CLTCL1: variants seen among roughly 807,000 people sequenced by gnomAD.
The protein encoded by CLTCL1 is clathrin heavy chain 2.
In CLTCL1, 159 loss-of-function variants were observed where a neutral mutation model predicts 190.0. The observed-to-expected ratio is 0.84, with a 90% CI of 0.74 to 0.95. CLTCL1 has a LOEUF of 0.95. Ranked by LOEUF, CLTCL1 falls within the 40% of genes least tolerant of loss-of-function variation. The pLI is 0.00. For missense variants in CLTCL1, 1,878 were observed against 2,033.4 expected, an observed-to-expected ratio of 0.92 and a Z score of 1.47; for synonymous variants, 752 against 769.6, an observed-to-expected ratio of 0.98 and a Z score of 0.38.
Position 19,196,660 on chromosome 22 carries a change from G to C in CLTCL1, c.3874-4C>G, listed in dbSNP as rs184612047. The C allele has an allele frequency of 2.5e-3, 4,097 of 1,611,326 alleles. 6 individuals are homozygous for C. The highest frequency in any genetic ancestry group is 3.1e-3 in the Non-Finnish European group (3,682 of 1,178,556). ...GCTCCTCAAAGTAGCCACGATCCTA[G>C]CAGACCAACAGCCACGCGTGGGGCA... On this transcript the variant is annotated splice_region_variant and splice_polypyrimidine_tract_variant and intron_variant, in intron 24 of 32. Coordinates refer to ENST00000427926, the MANE Select transcript of CLTCL1 (RefSeq NM_007098.4).
intron 22 of CLTCL1, 91 bp downstream of exon 22, chr22:19,208,063 G>A (rs992176702): frequency 6.6e-7 from 1 of 1,516,684 alleles, no homozygotes; most frequent in South Asian, 1.1e-5. Context: ...CCAGTCCCTG[G>A]TGCCAAAACA....
At chr22:19,191,749 T>C (rs782352811) in intron 26 of CLTCL1, among the ~76,000 whole-genome samples, 4 of 152,244 alleles carry the variant, frequency 2.6e-5, no homozygotes, top group Non-Finnish European at 5.9e-5. Context: ...TCAGTCAGAA[T>C]GAAGCCCCAC....
chr22:19,252,820 C>T (rs1255597406), intron 3 of CLTCL1, among the ~76,000 whole-genome samples: 3 of 152,172 alleles, frequency 2.0e-5, no homozygotes, highest in African/African-American at 7.2e-5. Context: ...CAAGGCCATC[C>T]TGGCTAACAC....
intron 5 of CLTCL1, among the ~76,000 whole-genome samples, chr22:19,237,764 G>A (rs782312808): frequency 3.9e-5 from 6 of 152,188 alleles, no homozygotes; most frequent in Non-Finnish European, 8.8e-5. Flanking sequence ...TTATACAGCA[G>A]CAAGGCTAGT....
At chr22:19,236,917 C>T (rs2086098840) in intron 5 of CLTCL1, among the ~76,000 whole-genome samples, 1 of 152,052 alleles carries the variant, frequency 6.6e-6, no homozygotes, top group African/African-American at 2.4e-5. Flanking sequence ...TTCTATCTTA[C>T]TCTTTAGATC....
intron 2 of CLTCL1, chr22:19,258,686 T>A: frequency 6.0e-6 from 4 of 668,440 alleles, no homozygotes; most frequent in Non-Finnish European, 1.1e-5. Context: ...AGGACTTCAA[T>A]CTTGGTGAGG....
At position 19,221,438 on chromosome 22, in the gene CLTCL1, C is replaced by T. The variant is rs1190343245; in HGVS notation, c.2735G>A (p.Arg912Gln). Residue 912 changes from arginine to glutamine, a missense_variant, in exon 17 of 33, where the codon CGA becomes CAA. Transcript: ENST00000427926. The part of the protein sequence containing the change: ...SSVVGRYCEK[R>Q]DPHLACVAYE... ...GGCAACACAGGCCAGATGGGGGTCT[C>T]GCTTCTCACAGTAGCGGCCCACCAC... The T allele has an allele frequency of 2.9e-5, 46 of 1,568,998 alleles. No homozygotes were observed. Among genetic ancestry groups the T allele is most frequent in the African/African-American group, 1.1e-4 (8 of 74,010 alleles).
chr22:19,261,390 G>A (rs574309519), intron 2 of CLTCL1, among the ~76,000 whole-genome samples: 3 of 152,230 alleles, frequency 2.0e-5, no homozygotes, highest in East Asian at 1.9e-4. Flanking sequence ...GATTACAGGC[G>A]GAAGCCACCG....
In CLTCL1 at chr22:19,226,231, G is replaced by A. The variant is rs782256221; in HGVS notation, c.1935C>T (p.Leu645=). 2 of 1,613,740 alleles carry A rather than the reference G, an allele frequency of 1.2e-6. 1 individual carries two copies. Among genetic ancestry groups the A allele is most frequent in the South Asian group, 2.2e-5 (2 of 91,064 alleles). The change falls in exon 12 of 33, where the codon CTC becomes CTT. Residue 645 remains leucine, a synonymous_variant. Coordinates refer to ENST00000427926, the MANE Select transcript of CLTCL1 (RefSeq NM_007098.4). The stretch of plus-strand genomic sequence containing the variant: ...GGGTACACAGTACCTCGGGATTGAG[G>A]AGGTGAGTGTGGACCACAGCCCTCT... ...DIKRAVVHTH[L]LNPEWLVNFF...
chr22:19,191,528 T>C, intron 26 of CLTCL1, 93 bp from the exon 27 acceptor site: 1 of 1,494,236 alleles, frequency 6.7e-7, no homozygotes, highest in Non-Finnish European at 9.1e-7. Flanking sequence ...ACTTTACTAC[T>C]GAGGCCTGCC....
chr22:19,290,772 C>G (rs1164927579), intron 1 of CLTCL1, among the ~76,000 whole-genome samples: 1 of 152,220 alleles, frequency 6.6e-6, no homozygotes, highest in African/African-American at 2.4e-5. Context: ...GAATCCTGTT[C>G]TTATTGAATG....
At chr22:19,256,501 C>G (rs868923760) in intron 2 of CLTCL1, among the ~76,000 whole-genome samples, 1 of 151,648 alleles carries the variant, frequency 6.6e-6, no homozygotes, top group Admixed American at 6.6e-5. Flanking sequence ...GGATTACAGG[C>G]ACATGCCATC....
chr22:19,194,339 G>C (rs112457835), intron 26 of CLTCL1, among the ~76,000 whole-genome samples: 1 of 152,074 alleles, frequency 6.6e-6, no homozygotes, highest in African/African-American at 2.4e-5. Flanking sequence ...AAAATGAGCC[G>C]GGCGTGGTGG....
chr22:19,266,917 C>A (rs1168260219), intron 2 of CLTCL1, among the ~76,000 whole-genome samples: 1 of 152,124 alleles, frequency 6.6e-6, no homozygotes, highest in African/African-American at 2.4e-5. Context: ...GCTAAAAACT[C>A]CCCCCTAAGG....
At chr22:19,248,181 A>C (rs2086480448) in intron 3 of CLTCL1, among the ~76,000 whole-genome samples, 4 of 152,088 alleles carry the variant, frequency 2.6e-5, no homozygotes, top group Admixed American at 2.0e-4. Context: ...CTGTAGTCCC[A>C]GTTATTCAGG....
chr22:19,237,992 A>G (rs1448095714), intron 5 of CLTCL1, among the ~76,000 whole-genome samples: 2 of 152,252 alleles, frequency 1.3e-5, no homozygotes, highest in African/African-American at 4.8e-5. Context: ...ATAATCTTAC[A>G]TATATAATGT....
chr22:19,196,773 G>T, intron 24 of CLTCL1, 117 bp from the exon 25 acceptor site: 1 of 1,204,774 alleles, frequency 8.3e-7, no homozygotes, highest in Non-Finnish European at 1.2e-6. Context: ...TCCCGAGGAG[G>T]CATGTGTGAA....
intron 18 of CLTCL1, among the ~76,000 whole-genome samples, chr22:19,216,658 T>C (rs2145710258): frequency 6.6e-6 from 1 of 152,270 alleles, no homozygotes; most frequent in East Asian, 1.9e-4. Flanking sequence ...TGTGGCACAG[T>C]CCACAGCCAG....
At chr22:19,206,398 C>T (rs1480053017) in intron 22 of CLTCL1, among the ~76,000 whole-genome samples, 1 of 151,984 alleles carries the variant, frequency 6.6e-6, no homozygotes, top group Non-Finnish European at 1.5e-5. Flanking sequence ...GCATGCCACA[C>T]ACTCGGCTAA....
Sources: allele counts gnomAD v4.1 joint callset (sites outside exome capture counted in the v4.1 genomes callset), GRCh38; gene constraint gnomAD v4.1.1; transcripts MANE v1.5; gene names NCBI Gene and HGNC (gene_info 2026-07-23, HGNC 2026-07-21).